LDLRAD4: variants seen among roughly 807,000 people sequenced by gnomAD.
The protein encoded by LDLRAD4 is low-density lipoprotein receptor class A domain-containing protein 4.
In LDLRAD4, 5 loss-of-function variants were observed where a neutral mutation model predicts 17.0. That is an observed-to-expected ratio of 0.29 (90% CI 0.15 to 0.62). The LOEUF (loss-of-function observed/expected upper bound fraction) is 0.62. Among genes scored for constraint, LDLRAD4 ranks in the 20% least tolerant of loss-of-function variants. The pLI is 0.84. For missense variants in LDLRAD4, 340 were observed against 424.7 expected (o/e 0.80, Z 1.75); for synonymous variants, 168 against 171.8 (o/e 0.98, Z 0.17).
chr18:13,383,207 C>CA (rs2085518297), intron 1 of LDLRAD4, among the ~76,000 whole-genome samples: 1 of 152,240 alleles, frequency 6.6e-6, no homozygotes, highest in South Asian at 2.1e-4. Context: ...GGAAGCTTCA[C>CA]GTAAGTGTCT....
chr18:13,371,490 C>T (rs1417213358), intron 1 of LDLRAD4, among the ~76,000 whole-genome samples: 1 of 152,106 alleles, frequency 6.6e-6, no homozygotes. Flanking sequence ...CACAGTTGGC[C>T]GGGCGCAGTG....
intron 1 of LDLRAD4, among the ~76,000 whole-genome samples, chr18:13,271,746 G>A (rs1004669658): frequency 6.6e-6 from 1 of 152,176 alleles, no homozygotes; most frequent in Non-Finnish European, 1.5e-5. Flanking sequence ...TGAGCCAAGA[G>A]AGTGTTAGTT....
At chr18:13,520,888 A>G (rs2093943457) in intron 3 of LDLRAD4, 1 of 152,048 alleles carries the variant, frequency 6.6e-6, no homozygotes. Flanking sequence ...GAGATTAAGA[A>G]GACAGGACAG....
intron 2 of LDLRAD4, among the ~76,000 whole-genome samples, chr18:13,406,324 G>T (rs917291627): frequency 1.3e-5 from 2 of 152,180 alleles, no homozygotes; most frequent in African/African-American, 4.8e-5. Context: ...GCTGGTTTCT[G>T]CAAGTTGTTT....
At chr18:13,466,676 C>T (rs1444270704) in intron 3 of LDLRAD4, among the ~76,000 whole-genome samples, 2 of 152,140 alleles carry the variant, frequency 1.3e-5, no homozygotes, top group African/African-American at 4.8e-5. Flanking sequence ...CAGCTGGGTG[C>T]CTCTAACAAA....
chr18:13,505,901 A>G (rs1176807454), intron 3 of LDLRAD4, among the ~76,000 whole-genome samples: 6 of 152,144 alleles, frequency 3.9e-5, no homozygotes, highest in African/African-American at 4.8e-5. Flanking sequence ...ACTGATCCCT[A>G]GTGGTCTGAG....
Position 13,623,893 on chromosome 18 carries a change from TC to T in LDLRAD4, c.336+2626del, listed in dbSNP as rs540744497. ...CTAACTTCTTTTAAGAAATGCCTGT[TC>T]CCCGTATACAGTATTAGGGGAGCGA... On this transcript the variant is annotated intron_variant, in intron 4 of 5. Transcript: ENST00000359446. 8.9e-4 allele frequency among the ~76,000 whole-genome samples: 135 copies of T among 152,296 alleles called. 1 individual carries two copies. The highest frequency in any genetic ancestry group is 3.1e-3 in the African/African-American group (129 of 41,548).
chr18:13,651,128 T>G (rs1345517963), exon 6 of LDLRAD4: 2 of 152,250 alleles, frequency 1.3e-5, no homozygotes, highest in African/African-American at 4.8e-5. Flanking sequence ...TATCTCCTGC[T>G]GTAGCATCAC....
Position 13,545,610 on chromosome 18 carries a change from T to A in LDLRAD4, c.182-75507T>A, listed in dbSNP as rs780696190. On this transcript the variant is annotated intron_variant, in intron 3 of 5. Coordinates refer to ENST00000359446, the Ensembl canonical transcript of LDLRAD4. ...CTGGTTACTCTTCCACACACACACCTTCTTCTAGCAGCCGGCCATGAGCAG... is the reference window on the plus strand; with the variant it reads ...CTGGTTACTCTTCCACACACACACCATCTTCTAGCAGCCGGCCATGAGCAG... Among the ~76,000 whole-genome samples the A allele has an allele frequency of 5.7e-4, 86 of 152,142 alleles. 1 individual carries two copies. Among genetic ancestry groups the A allele is most frequent in the Non-Finnish European group, 2.5e-4 (17 of 68,026 alleles).
chr18:13,618,836 C>T (rs1345075873), intron 3 of LDLRAD4, among the ~76,000 whole-genome samples: 1 of 152,262 alleles, frequency 6.6e-6, no homozygotes, highest in Non-Finnish European at 1.5e-5. Context: ...TACCTAGGAA[C>T]ACAGTCTTCG....
At chr18:13,393,504 C>T (rs908438629) in intron 2 of LDLRAD4, among the ~76,000 whole-genome samples, 1 of 152,138 alleles carries the variant, frequency 6.6e-6, no homozygotes, top group Non-Finnish European at 1.5e-5. Context: ...CTGCAGCTCC[C>T]GTGTGCCTGT....
intron 4 of LDLRAD4, among the ~76,000 whole-genome samples, chr18:13,623,663 G>A (rs1460337159): frequency 1.3e-5 from 2 of 152,204 alleles, no homozygotes; most frequent in African/African-American, 4.8e-5. Flanking sequence ...CCCAGTTGAT[G>A]GTTCCCCAAA....
intron 1 of LDLRAD4, among the ~76,000 whole-genome samples, chr18:13,358,114 G>T (rs930339626): frequency 6.6e-6 from 1 of 151,996 alleles, no homozygotes; most frequent in African/African-American, 2.4e-5. Context: ...ACCAGACCTG[G>T]AATCAGCCAT....
intron 3 of LDLRAD4, among the ~76,000 whole-genome samples, chr18:13,462,663 C>T (rs1243855806): frequency 1.3e-5 from 2 of 152,132 alleles, no homozygotes; most frequent in Admixed American, 6.5e-5. Flanking sequence ...CCTTGAAGAG[C>T]GCCCAAGAAA....
At chr18:13,583,306 G>T (rs1470426810) in intron 3 of LDLRAD4, among the ~76,000 whole-genome samples, 1 of 151,958 alleles carries the variant, frequency 6.6e-6, no homozygotes, top group Admixed American at 6.6e-5. Context: ...AATATTTGTA[G>T]TCTAAATCTG....
intron 4 of LDLRAD4, among the ~76,000 whole-genome samples, chr18:13,628,872 G>A (rs572941338): frequency 1.1e-4 from 17 of 152,138 alleles, no homozygotes; most frequent in African/African-American, 2.2e-4. Context: ...ACTTTGTTGC[G>A]CAGGCTGGAG....
chr18:13,594,195 G>C (rs1179932250), intron 3 of LDLRAD4, among the ~76,000 whole-genome samples: 4 of 152,148 alleles, frequency 2.6e-5, no homozygotes, highest in Non-Finnish European at 4.4e-5. Flanking sequence ...TAGAGCAGGT[G>C]TGTGCCATGA....
At chr18:13,480,402 G>A (rs2093053726) in intron 3 of LDLRAD4, among the ~76,000 whole-genome samples, 2 of 152,212 alleles carry the variant, frequency 1.3e-5, no homozygotes, top group African/African-American at 2.4e-5. Context: ...CATTGCCAGG[G>A]TAGCGGGGAG....
At chr18:13,602,292 T>A (rs1447521341) in intron 3 of LDLRAD4, among the ~76,000 whole-genome samples, 1 of 152,074 alleles carries the variant, frequency 6.6e-6, no homozygotes, top group Non-Finnish European at 1.5e-5. Context: ...AACCTGCACA[T>A]GTACCCCCGA....
Sources: gnomAD v4.1 joint callset for allele counts (sites outside exome capture counted in the v4.1 genomes callset) on GRCh38, gnomAD v4.1.1 for gene constraint, MANE v1.5 for transcripts, NCBI Gene and HGNC (gene_info 2026-07-23, HGNC 2026-07-21) for gene names.